The following GAPVD1 variants were observed in gnomAD, a reference collection of about 807,000 sequenced individuals.
GAPVD1 encodes the protein GTPase activating protein and VPS9 domains 1.
GAPVD1 carries 35 observed loss-of-function variants against 155.5 expected under a neutral mutation model. The ratio of observed to expected loss-of-function variants is 0.23; its 90% CI spans 0.17 to 0.30. The LOEUF is 0.30. Among genes scored for constraint, GAPVD1 ranks in the 10% least tolerant of loss-of-function variants. The probability of loss-of-function intolerance (pLI) is 1.00; values close to 1 mark genes in which losing one functional copy is unlikely to be tolerated. For missense variants in GAPVD1, 1,429 were observed against 1,775.7 expected (o/e 0.80, Z 3.51); for synonymous variants, 636 against 619.7 (o/e 1.03, Z -0.39).
chr9:125,292,682 G>A (rs1357163340), intron 2 of GAPVD1, among the ~76,000 whole-genome samples: 2 of 152,152 alleles, frequency 1.3e-5, no homozygotes, highest in Admixed American at 6.6e-5. Context: ...GAACCACCAC[G>A]CCCGGCTGGT....
At chr9:125,362,025 C>G (rs1015661222) in intron 27 of GAPVD1, among the ~76,000 whole-genome samples, 2 of 152,212 alleles carry the variant, frequency 1.3e-5, no homozygotes, top group Admixed American at 6.5e-5. Context: ...CTTCTGGCTT[C>G]CACATGTGAT....
rs1236440468 is a variant in GAPVD1, at chr9:125,366,757, A to G, written c.*4011A>G. 6.6e-6 allele frequency: 1 copy of G among 152,226 alleles called. No homozygotes were observed. The highest frequency in any genetic ancestry group is 1.5e-5 in the Non-Finnish European group (1 of 68,046). The allele number at this position is 152,226 out of a possible 1,614,324, so 9.4% of individuals were successfully genotyped here. On this transcript the variant is annotated 3_prime_UTR_variant, in exon 28 of 28. Coordinates refer to ENST00000297933, the MANE Select transcript of GAPVD1 (RefSeq NM_001282680.3). The stretch of plus-strand genomic sequence containing the variant: ...ATATATTTTAGAATGTAGGTTAGAA[A>G]GTAGTAGGACAAGGAATAGCTTTAT...
intron 3 of GAPVD1, among the ~76,000 whole-genome samples, chr9:125,297,138 A>C (rs1372842397): frequency 6.6e-6 from 1 of 152,206 alleles, no homozygotes; most frequent in African/African-American, 2.4e-5. Context: ...TATTTGTATC[A>C]GTTTGTTTAG....
intron 9 of GAPVD1, among the ~76,000 whole-genome samples, chr9:125,320,955 A>G (rs550493): frequency 8.9e-4 from 136 of 152,250 alleles, no homozygotes; most frequent in African/African-American, 3.2e-3. Context: ...AAATTTTGCA[A>G]ATTTAATACG....
chr9:125,271,753 G>C (rs1834957196), intron 2 of GAPVD1, among the ~76,000 whole-genome samples: 1 of 152,032 alleles, frequency 6.6e-6, no homozygotes, highest in Non-Finnish European at 1.5e-5. Context: ...GTTTCACCGT[G>C]TTAGCCGTGC....
rs144698922 is a variant in GAPVD1 at position 125,272,503 on chromosome 9, G to A, written c.-150+3519G>A. Reference sequence around the variant, plus strand: ...CTTATTAAGGCCTCTCTATGAATAAGTTTCTGTTCCTTAGTTTGAAAACAT... The same window carrying A: ...CTTATTAAGGCCTCTCTATGAATAAATTTCTGTTCCTTAGTTTGAAAACAT... On this transcript the variant is annotated intron_variant, in intron 2 of 27. Transcript: ENST00000297933. Among the ~76,000 whole-genome samples, 185 of 152,220 alleles carry A rather than the reference G, an allele frequency of 1.2e-3. 1 individual carries two copies. Among genetic ancestry groups the A allele is most frequent in the African/African-American group, 4.0e-3 (166 of 41,546 alleles).
chr9:125,355,556 T>C (rs1849948937), intron 24 of GAPVD1, 88 bp from the exon 25 acceptor site: 1 of 817,098 alleles, frequency 1.2e-6, no homozygotes, highest in Non-Finnish European at 1.9e-6. Context: ...GCATAGCTAG[T>C]GATTAAAATT....
intron 2 of GAPVD1, among the ~76,000 whole-genome samples, chr9:125,275,199 C>T (rs1187677877): frequency 6.6e-6 from 1 of 152,094 alleles, no homozygotes; most frequent in Admixed American, 6.6e-5. Context: ...CCTCAGCCTC[C>T]CAAGTACCTT....
chr9:125,293,760 AT>A (rs1564309731), intron 2 of GAPVD1, among the ~76,000 whole-genome samples: 1 of 101,632 alleles, frequency 9.8e-6, no homozygotes, highest in Non-Finnish European at 2.0e-5. Context: ...AAATATATAC[AT>A]TTTTATATTA....
intron 2 of GAPVD1, among the ~76,000 whole-genome samples, chr9:125,272,561 T>C (rs547066770): frequency 1.3e-5 from 2 of 152,324 alleles, no homozygotes; most frequent in South Asian, 4.1e-4. Context: ...ATAGCTGACA[T>C]TTATTGGATT....
At chr9:125,335,484 T>C (rs145693826) in intron 15 of GAPVD1, among the ~76,000 whole-genome samples, 3 of 151,984 alleles carry the variant, frequency 2.0e-5, no homozygotes, top group African/African-American at 7.2e-5. Context: ...GAGACCATCC[T>C]GGCCAACATG....
At chr9:125,350,516 A>G (rs1374081339) in intron 22 of GAPVD1, 112 bp downstream of exon 22, 2 of 768,578 alleles carry the variant, frequency 2.6e-6, no homozygotes, top group Middle Eastern at 2.4e-4. Flanking sequence ...GTTCAACTTA[A>G]TATGTTTACA....
At position 125,302,386 on chromosome 9, in the gene GAPVD1, A is replaced by T; in HGVS notation, c.589A>T (p.Thr197Ser). Residue 197 changes from threonine (T) to serine (S), a missense_variant, in exon 5 of 28, where the codon ACA (threonine) becomes TCA (serine). Around this residue, in one of 4 missense-constraint regions of GAPVD1, gnomAD observed 628 missense variants for 733.4 expected, o/e 0.86. Coordinates refer to ENST00000297933, the MANE Select transcript of GAPVD1 (RefSeq NM_001282680.3). ...EGLFSAKLFL[T>S]ATLHEPIMQL... ...ACTGTTTTCTGCCAAACTTTTCCTC[A>T]CAGCCACTTTACATGAGCCAATTAT... 3 of 1,614,010 alleles carry T rather than the reference A, an allele frequency of 1.9e-6. No homozygotes were observed. The highest frequency in any genetic ancestry group is 2.5e-6 in the Non-Finnish European group (3 of 1,179,990).
In GAPVD1 at chr9:125,346,820, T is replaced by C. The variant is rs1235150358; in HGVS notation, c.3048T>C (p.Asp1016=). 6.2e-7 allele frequency: 1 copy of C among 1,613,528 alleles called. No individual in the cohort carries two copies. Residue 1016 remains aspartate, a splice_region_variant and synonymous_variant, in exon 20 of 28, where the codon GAT becomes GAC. Transcript: ENST00000297933. The part of the protein sequence containing the change: ...LGPDRFSTLT[D]DPSPRLSAQA... ...CTCTCACTCTCCTTTCCCTTGCAGA[T>C]GATCCCAGCCCTAGACTCAGTGCAC...
In GAPVD1 at chr9:125,270,897, C is replaced by T. The variant is rs973327620; in HGVS notation, c.-150+1913C>T. ...GTGGGAGGCAGAGGTTGCGATGAGC[C>T]GAGATCGTGCCATTGCACTCCAGCC... On this transcript the variant is annotated intron_variant, in intron 2 of 27. Transcript: ENST00000297933. 3.3e-5 allele frequency among the ~76,000 whole-genome samples: 5 copies of T among 152,008 alleles called. No individual in the cohort carries two copies. In the South Asian group the frequency reaches 1.0e-3, roughly 32 times the overall value.
intron 6 of GAPVD1, 115 bp downstream of exon 6, chr9:125,305,264 C>T (rs770731494): frequency 1.5e-6 from 1 of 673,478 alleles, no homozygotes; most frequent in Non-Finnish European, 2.6e-6. Context: ...TAATTAGCTA[C>T]AGTATTGGAT....
intron 5 of GAPVD1, chr9:125,304,145 A>G (rs572324700): frequency 6.6e-6 from 1 of 152,144 alleles, no homozygotes; most frequent in Admixed American, 6.6e-5. Flanking sequence ...GTAGCCTTTG[A>G]ACTCCTGAGC....
At chr9:125,263,713 GCAC>G (rs1833358327) in intron 1 of GAPVD1, 2 of 794,394 alleles carry the variant, frequency 2.5e-6, no homozygotes, top group Non-Finnish European at 4.4e-6. Flanking sequence ...ATGTCTGTCA[GCAC>G]TCCATCTGTA....
chr9:125,350,705 T>C lies in GAPVD1; in HGVS notation c.3410-8T>C, dbSNP rs1284051922. ...AAGAATAACAGAATTCTTGTATCTT[T>C]TATTTAGACAATGAAATTGTATGCT... On this transcript the variant is annotated splice_region_variant and splice_polypyrimidine_tract_variant and intron_variant, in intron 22 of 27. Coordinates refer to ENST00000297933, the MANE Select transcript of GAPVD1 (RefSeq NM_001282680.3). The C allele has an allele frequency of 6.8e-7, 1 of 1,464,428 alleles. No homozygotes were observed. The highest frequency in any genetic ancestry group is 9.5e-7 in the Non-Finnish European group (1 of 1,050,676). The allele number at this position is 1,464,428 out of a possible 1,614,324, so 90.7% of individuals were successfully genotyped here.
Sources: allele counts gnomAD v4.1 joint callset (sites outside exome capture counted in the v4.1 genomes callset), GRCh38; gene constraint gnomAD v4.1.1; regional missense constraint gnomAD v4.1.1; transcripts MANE v1.5; gene names NCBI Gene and HGNC (gene_info 2026-07-23, HGNC 2026-07-21).